Variants in NRG1 observed in about 807,000 individuals in gnomAD.
NRG1 encodes neuregulin 1.
NRG1 carries 18 observed loss-of-function variants against 63.8 expected under a neutral mutation model. The observed-to-expected ratio is 0.28, with a 90% CI of 0.19 to 0.42. The LOEUF is 0.42. NRG1 is among the 10% of genes least tolerant of loss of function. The probability of loss-of-function intolerance (pLI) is 1.00; values close to 1 mark genes in which losing one functional copy is unlikely to be tolerated. For synonymous variants in NRG1, 302 were observed against 301.3 expected, an observed-to-expected ratio of 1.00 and a Z score of -0.02; for missense variants, 762 against 814.7, an observed-to-expected ratio of 0.94 and a Z score of 0.79.
At chr8:32,147,970 T>C (rs2131799736) in intron 1 of NRG1, among the ~76,000 whole-genome samples, 1 of 152,348 alleles carries the variant, frequency 6.6e-6, no homozygotes, top group East Asian at 1.9e-4. Flanking sequence ...ATAACTATTA[T>C]TCTACCTTTC....
At chr8:31,697,110 T>G (rs1370324921) in intron 1 of NRG1, among the ~76,000 whole-genome samples, 1 of 152,174 alleles carries the variant, frequency 6.6e-6, no homozygotes, top group Non-Finnish European at 1.5e-5. Flanking sequence ...CTACTGGCTC[T>G]GAAGCAATTT....
intron 1 of NRG1, among the ~76,000 whole-genome samples, chr8:31,701,320 A>G (rs4403370): frequency 0.23 from 35,287 of 151,960 alleles, 4,338 homozygotes; most frequent in Admixed American, 0.27. Flanking sequence ...CACTGTGTGA[A>G]CATTTCTCAC....
At chr8:31,712,496 CT>C (rs1210824339) in intron 1 of NRG1, among the ~76,000 whole-genome samples, 1 of 152,050 alleles carries the variant, frequency 6.6e-6, no homozygotes, top group African/African-American at 2.4e-5. Context: ...TCTCGATCTC[CT>C]GACCTTGTAA....
intron 1 of NRG1, among the ~76,000 whole-genome samples, chr8:32,440,021 G>A (rs1465632421): frequency 2.0e-5 from 3 of 152,166 alleles, no homozygotes; most frequent in African/African-American, 7.2e-5. Context: ...AATTGATTCA[G>A]AGTTCCTCCT....
At chr8:32,482,614 A>C (rs920792373) in intron 1 of NRG1, among the ~76,000 whole-genome samples, 2 of 152,108 alleles carry the variant, frequency 1.3e-5, no homozygotes, top group African/African-American at 2.4e-5. Flanking sequence ...GGAAGGAGCC[A>C]TTCCAAGGAC....
intron 1 of NRG1, among the ~76,000 whole-genome samples, chr8:32,026,846 ATTG>A (rs1237883274): frequency 1.8e-4 from 27 of 152,208 alleles, no homozygotes; most frequent in African/African-American, 6.0e-4. Context: ...ATCTGTTAAC[ATTG>A]TGTTGGATTT....
downstream of NRG1, among the ~76,000 whole-genome samples, chr8:32,771,711 A>AAC (rs1831809396): frequency 9.2e-6 from 1 of 108,568 alleles, no homozygotes; most frequent in African/African-American, 4.0e-5. Context: ...TTCTTTAAAA[A>AAC]AAAAATATAT....
chr8:32,489,521 G>T (rs532816039), intron 1 of NRG1, among the ~76,000 whole-genome samples: 1 of 152,244 alleles, frequency 6.6e-6, no homozygotes, highest in Admixed American at 6.5e-5. Flanking sequence ...GCACTGTCCT[G>T]CTCTGCTCAT....
intron 1 of NRG1, among the ~76,000 whole-genome samples, chr8:32,203,943 T>C (rs1022563391): frequency 2.0e-5 from 3 of 152,036 alleles, no homozygotes; most frequent in African/African-American, 7.2e-5. Flanking sequence ...ATAGGATATA[T>C]TGAGATACAA....
intron 1 of NRG1, among the ~76,000 whole-genome samples, chr8:31,655,126 T>A (rs1805303963): frequency 6.6e-6 from 1 of 152,154 alleles, no homozygotes; most frequent in South Asian, 2.1e-4. Flanking sequence ...CAAATGTAGG[T>A]GGCTAATAGA....
intron 11 of NRG1, among the ~76,000 whole-genome samples, chr8:32,762,391 C>A (rs1470460328): frequency 6.6e-6 from 1 of 152,014 alleles, no homozygotes; most frequent in Non-Finnish European, 1.5e-5. Context: ...TCTAGGACTA[C>A]GAAATATTCC....
At chr8:31,997,184 C>CT (rs56256338) in intron 1 of NRG1, among the ~76,000 whole-genome samples, 2,843 of 137,380 alleles carry the variant, frequency 0.021, 72 homozygotes, top group African/African-American at 0.068. Flanking sequence ...ATAGTGTAAC[C>CT]TTTTTTTTTT....
chr8:31,817,402 C>T (rs1464285598), intron 1 of NRG1, among the ~76,000 whole-genome samples: 1 of 152,198 alleles, frequency 6.6e-6, no homozygotes, highest in African/African-American at 2.4e-5. Flanking sequence ...TAGCTACACA[C>T]TCTATTTTCT....
intron 1 of NRG1, among the ~76,000 whole-genome samples, chr8:32,502,971 C>G (rs1828041751): frequency 2.0e-5 from 3 of 151,992 alleles, no homozygotes; most frequent in Non-Finnish European, 4.4e-5. Flanking sequence ...ATCCAAATAC[C>G]TTTAGTCTCT....
intron 1 of NRG1, among the ~76,000 whole-genome samples, chr8:32,197,253 C>T (rs561623912): frequency 1.3e-5 from 2 of 152,170 alleles, no homozygotes; most frequent in South Asian, 2.1e-4. Context: ...TGAGCCACCA[C>T]GCCCAGCCTA....
chr8:31,962,478 T>C (rs752561354), intron 1 of NRG1, among the ~76,000 whole-genome samples: 3 of 152,160 alleles, frequency 2.0e-5, no homozygotes, highest in Non-Finnish European at 4.4e-5. Flanking sequence ...CTAATTAATG[T>C]CCTTTATGAA....
intron 1 of NRG1, among the ~76,000 whole-genome samples, chr8:32,240,941 T>TG (rs1233498835): frequency 2.6e-5 from 4 of 151,938 alleles, no homozygotes; most frequent in Admixed American, 1.3e-4. Flanking sequence ...AGAAGGAGAA[T>TG]GGGGGGTACC....
rs570964757 is a variant in NRG1 at position 32,194,394 on chromosome 8, C to G, written c.38-401434C>G. Among the ~76,000 whole-genome samples the G allele has an allele frequency of 7.4e-4, 113 of 152,264 alleles. 1 individual carries two copies. In the South Asian group the frequency reaches 0.019, roughly 26 times the overall value. On this transcript the variant is annotated intron_variant, in intron 1 of 10. Transcript: ENST00000519301. ...GGAAAACTCAGAGTTTAAACATTTT[C>G]ACATTTTTTTTTAAATAGCAAGAAT... is the stretch of plus-strand genomic sequence containing the variant.
rs12114720 is a variant in NRG1, at chr8:32,400,068, G to C, written c.38-195760G>C. Reference sequence around the variant, plus strand: ...TTGAGGTACCAATACCAGTTTCTTGGATATTTTCTTACTTAGGAACATAAA... The same window carrying C: ...TTGAGGTACCAATACCAGTTTCTTGCATATTTTCTTACTTAGGAACATAAA... On this transcript the variant is annotated intron_variant, in intron 1 of 10. Transcript: ENST00000519301. Among the ~76,000 whole-genome samples, 833 of 152,208 alleles carry C rather than the reference G, an allele frequency of 5.5e-3. 9 individuals are homozygous for C. The highest frequency in any genetic ancestry group is 0.019 in the African/African-American group (800 of 41,528).
Sources: gnomAD v4.1 joint callset for allele counts (sites outside exome capture counted in the v4.1 genomes callset) on GRCh38, gnomAD v4.1.1 for gene constraint, MANE v1.5 for transcripts, NCBI Gene and HGNC (gene_info 2026-07-23, HGNC 2026-07-21) for gene names.